Variants in DIAPH2 observed in about 807,000 individuals in gnomAD.
DIAPH2 encodes protein diaphanous homolog 2.
DIAPH2 carries 35 observed loss-of-function variants against 92.7 expected under a neutral mutation model. The ratio of observed to expected loss-of-function variants is 0.38; its 90% CI spans 0.29 to 0.50. The LOEUF is 0.50. Among genes scored for constraint, DIAPH2 ranks in the 20% least tolerant of loss-of-function variants. DIAPH2 has a pLI of 0.94. For missense variants in DIAPH2, 701 were observed against 819.5 expected (o/e 0.86, Z 1.77); for synonymous variants, 301 against 280.4 (o/e 1.07, Z -0.73).
At chrX:97,069,793 A>G (rs1031903592) in intron 17 of DIAPH2, among the ~76,000 whole-genome samples, 1 of 112,387 alleles carries the variant, frequency 8.9e-6, no homozygotes, top group African/African-American at 3.2e-5. Flanking sequence ...AATACTTGCT[A>G]CAAATTATAA....
rs766688799 is a variant in DIAPH2, at chrX:97,516,009, A to C, written c.3242-83244A>C. Among the ~76,000 whole-genome samples the C allele has an allele frequency of 5.0e-3, 551 of 110,828 alleles. 4 individuals carry two copies. Among genetic ancestry groups the C allele is most frequent in the Admixed American group, 8.4e-3 (87 of 10,385 alleles). ...TGGCTCATGCCTGTAATCCTAGCAC[A>C]CCGGGAGGCGGAGGCGGGCGGATCA... is the stretch of plus-strand genomic sequence containing the variant. On this transcript the variant is annotated intron_variant, in intron 26 of 26. Coordinates refer to ENST00000324765, the MANE Select transcript of DIAPH2 (RefSeq NM_006729.5).
intron 4 of DIAPH2, among the ~76,000 whole-genome samples, chrX:96,848,594 G>A (rs772338881): frequency 4.5e-5 from 5 of 111,829 alleles, no homozygotes; most frequent in Admixed American, 9.5e-5. Context: ...CTATTAATAT[G>A]TGTCTTCTAT....
Position 97,353,302 on chromosome X carries a change from G to T in DIAPH2, c.3009+5022G>T, listed in dbSNP as rs191443287. On this transcript the variant is annotated intron_variant, in intron 24 of 26. Coordinates refer to ENST00000324765, the MANE Select transcript of DIAPH2 (RefSeq NM_006729.5). ...ATTTTGAATAGAATATTCAAAATCG[G>T]TGAACCGTATATGTTTCACCACCAT... Among the ~76,000 whole-genome samples, 34 of 110,409 alleles carry T rather than the reference G, an allele frequency of 3.1e-4. 2 individuals carry two copies. The highest frequency in any genetic ancestry group is 1.0e-3 in the African/African-American group (31 of 30,623).
Position 97,493,551 on chromosome X carries a change from G to A in DIAPH2, c.3241+63806G>A, listed in dbSNP as rs968209998. On this transcript the variant is annotated intron_variant, in intron 26 of 26. Transcript: ENST00000324765. ...GCTGGGATTACAGGCGTGAGCCACC[G>A]CACCCGGCCTGGTTATTTTTTTTTA... is the stretch of plus-strand genomic sequence containing the variant. Among the ~76,000 whole-genome samples, 9 of 111,043 alleles carry A rather than the reference G, an allele frequency of 8.1e-5. No individual in the cohort carries two copies. The South Asian group carries it at 1.2e-3, about 14-fold the overall frequency.
At chrX:97,136,752 C>T (rs1013304989) in intron 21 of DIAPH2, among the ~76,000 whole-genome samples, 9 of 110,965 alleles carry the variant, frequency 8.1e-5, no homozygotes, top group Non-Finnish European at 1.1e-4. Flanking sequence ...TTTTAATCAT[C>T]GGGACTTAAA....
intron 5 of DIAPH2, among the ~76,000 whole-genome samples, chrX:96,901,311 C>T (rs2065392129): frequency 9.2e-6 from 1 of 109,006 alleles, no homozygotes; most frequent in South Asian, 3.9e-4. Context: ...TATAATGTCT[C>T]CAGTTTCATT....
chrX:96,821,203 G>C (rs1480542733), intron 4 of DIAPH2, among the ~76,000 whole-genome samples: 1 of 112,261 alleles, frequency 8.9e-6, no homozygotes, highest in Non-Finnish European at 1.9e-5. Context: ...AGCCAGTCCT[G>C]AGTACTTTCC....
At chrX:97,096,633 G>A (rs2066870956) in intron 19 of DIAPH2, among the ~76,000 whole-genome samples, 1 of 111,192 alleles carries the variant, frequency 9.0e-6, no homozygotes, top group Admixed American at 9.6e-5. Context: ...CCAAGGGTGT[G>A]GGGTGTTCTC....
chrX:96,957,437 C>T (rs2065818058), intron 15 of DIAPH2, among the ~76,000 whole-genome samples: 1 of 111,954 alleles, frequency 8.9e-6, no homozygotes, highest in African/African-American at 3.3e-5. Context: ...TCCTTCTTCA[C>T]ATCGCAGTAG....
chrX:97,525,315 C>G (rs1248604071), intron 26 of DIAPH2, among the ~76,000 whole-genome samples: 1 of 112,179 alleles, frequency 8.9e-6, no homozygotes, highest in Non-Finnish European at 1.9e-5. Context: ...TATAATTTTG[C>G]CCACTGTGTC....
intron 1 of DIAPH2, among the ~76,000 whole-genome samples, chrX:96,698,948 C>A (rs1240722764): frequency 9.3e-6 from 1 of 107,526 alleles, no homozygotes. Flanking sequence ...CCAGGCTGGT[C>A]TGGAACTCCT....
At chrX:97,593,839 G>C (rs2071533398) in intron 26 of DIAPH2, among the ~76,000 whole-genome samples, 1 of 111,185 alleles carries the variant, frequency 9.0e-6, no homozygotes, top group African/African-American at 3.3e-5. Context: ...TAGAAAGGAA[G>C]ACATATGAAA....
chrX:97,244,351 A>G (rs957812589), intron 22 of DIAPH2, among the ~76,000 whole-genome samples: 2 of 112,208 alleles, frequency 1.8e-5, no homozygotes, highest in African/African-American at 6.5e-5. Context: ...TGGAAGATGA[A>G]GTCATTATCA....
chrX:96,881,860 G>A (rs969693429), intron 5 of DIAPH2, 142 bp downstream of exon 5: 5 of 582,930 alleles, frequency 8.6e-6, no homozygotes, highest in Non-Finnish European at 1.3e-5. Context: ...GCATCTGATT[G>A]TGAAGTCGTA....
chrX:97,516,014 G>A (rs1488580009), intron 26 of DIAPH2, among the ~76,000 whole-genome samples: 2 of 110,527 alleles, frequency 1.8e-5, no homozygotes, highest in Non-Finnish European at 3.8e-5. Flanking sequence ...AGCACACCGG[G>A]AGGCGGAGGC....
intron 25 of DIAPH2, among the ~76,000 whole-genome samples, chrX:97,388,617 C>A (rs909738240): frequency 9.0e-6 from 1 of 111,322 alleles, no homozygotes; most frequent in Non-Finnish European, 1.9e-5. Flanking sequence ...AATGGGATCA[C>A]CACGGTAAAG....
intron 22 of DIAPH2, among the ~76,000 whole-genome samples, chrX:97,155,683 G>T (rs1036491968): frequency 1.8e-5 from 2 of 111,008 alleles, no homozygotes; most frequent in Non-Finnish European, 3.8e-5. Context: ...GAGAATATTG[G>T]CATCCTTATG....
chrX:97,414,418 A>G (rs2069917150), intron 25 of DIAPH2, among the ~76,000 whole-genome samples: 1 of 111,413 alleles, frequency 9.0e-6, no homozygotes, highest in East Asian at 2.8e-4. Context: ...TTGGAGGCCA[A>G]GGCAGGTGGA....
At chrX:97,222,414 G>A (rs890692533) in intron 22 of DIAPH2, among the ~76,000 whole-genome samples, 1 of 111,854 alleles carries the variant, frequency 8.9e-6, no homozygotes, top group Non-Finnish European at 1.9e-5. Context: ...ATGGTGGCCA[G>A]GCTGGCCTCA....
Sources: gnomAD v4.1 joint callset for allele counts (sites outside exome capture counted in the v4.1 genomes callset) on GRCh38, gnomAD v4.1.1 for gene constraint, MANE v1.5 for transcripts, NCBI Gene and HGNC (gene_info 2026-07-23, HGNC 2026-07-21) for gene names.